The following ACOT7 variants were observed in gnomAD, a reference collection of about 807,000 sequenced individuals.
ACOT7 encodes the protein acyl-CoA thioesterase 7.
In ACOT7, 12 loss-of-function variants were observed where a neutral mutation model predicts 40.2. The ratio of observed to expected loss-of-function variants is 0.30; its 90% CI spans 0.19 to 0.48. The LOEUF (loss-of-function observed/expected upper bound fraction) is 0.48. Among genes scored for constraint, ACOT7 ranks in the 20% least tolerant of loss-of-function variants. The probability of loss-of-function intolerance (pLI) is 0.99; values close to 1 mark genes in which losing one functional copy is unlikely to be tolerated. For missense variants in ACOT7, 395 were observed against 530.8 expected, an observed-to-expected ratio of 0.74 and a Z score of 2.51; for synonymous variants, 228 against 219.5, an observed-to-expected ratio of 1.04 and a Z score of -0.34.
At position 6,289,722 on chromosome 1, in the gene ACOT7, G is replaced by A. The variant is rs969658866; in HGVS notation, c.829+5142C>T. 3.3e-5 allele frequency among the ~76,000 whole-genome samples: 5 copies of A among 151,978 alleles called. No individual in the cohort carries two copies. Among genetic ancestry groups the A allele is most frequent in the African/African-American group, 1.2e-4 (5 of 41,340 alleles). ...TTTGTTTTGTTTTTAAAGAAACAGG[G>A]GTCTCACTGTGTTGCCCAGGCTGGT... is the stretch of plus-strand genomic sequence containing the variant. On this transcript the variant is annotated intron_variant, in intron 7 of 8. Coordinates refer to ENST00000361521, the MANE Select transcript of ACOT7 (RefSeq NM_007274.4). The surrounding 1 kb of genome is among the most constrained non-coding windows in gnomAD (Gnocchi z 4.6).
intron 5 of ACOT7, among the ~76,000 whole-genome samples, chr1:6,325,199 C>T (rs1360893539): frequency 6.6e-6 from 1 of 152,176 alleles, no homozygotes; most frequent in African/African-American, 2.4e-5. Context: ...GAGATCGAGA[C>T]CATCCTGGCT....
At chr1:6,332,809 A>C (rs1207240962) in intron 4 of ACOT7, among the ~76,000 whole-genome samples, 1 of 151,122 alleles carries the variant, frequency 6.6e-6, no homozygotes, top group Non-Finnish European at 1.5e-5. Context: ...CAACAGAGCA[A>C]GATTCCGTCT....
chr1:6,363,278 T>C (rs1365517529), intron 1 of ACOT7, among the ~76,000 whole-genome samples: 1 of 152,186 alleles, frequency 6.6e-6, no homozygotes, highest in Non-Finnish European at 1.5e-5. Context: ...AAGACGCCCG[T>C]TGCCAGGCAG....
rs937117409 is a variant in ACOT7, at chr1:6,301,790, G to A, written c.713-6810C>T. ...CCGGTCCCAGAAACCCCAAAGCCAGGTGAGCTTGATGACCGGCCAAAAAAC... is the reference window on the plus strand; with the variant it reads ...CCGGTCCCAGAAACCCCAAAGCCAGATGAGCTTGATGACCGGCCAAAAAAC... On this transcript the variant is annotated intron_variant, in intron 6 of 8. Transcript: ENST00000361521. The surrounding 1 kb of genome is among the most constrained non-coding windows in gnomAD (Gnocchi z 4.1). Among the ~76,000 whole-genome samples the A allele has an allele frequency of 2.6e-5, 4 of 152,140 alleles. No individual in the cohort carries two copies. The highest frequency in any genetic ancestry group is 6.5e-5 in the Admixed American group (1 of 15,274).
chr1:6,327,263 G>A (rs1248209510), intron 5 of ACOT7, 36 bp downstream of exon 5: 1 of 1,604,462 alleles, frequency 6.2e-7, no homozygotes, highest in East Asian at 2.2e-5. Flanking sequence ...TCCCCGGTGA[G>A]GAGTGGCACC....
intron 3 of ACOT7, among the ~76,000 whole-genome samples, chr1:6,336,358 A>G (rs962891586): frequency 5.3e-5 from 8 of 150,310 alleles, no homozygotes; most frequent in African/African-American, 7.3e-5. Context: ...AAAAAAAAAA[A>G]TCTCTTAAAA....
intron 1 of ACOT7, among the ~76,000 whole-genome samples, chr1:6,379,395 G>A (rs998998532): frequency 2.6e-5 from 4 of 151,758 alleles, no homozygotes; most frequent in South Asian, 2.1e-4. Context: ...GACCCCTACC[G>A]CACATCACAC....
In ACOT7 at chr1:6,294,993, G is replaced by A. The variant is rs1639772012; in HGVS notation, c.713-13C>T. 3 of 1,597,244 alleles carry A rather than the reference G, an allele frequency of 1.9e-6. No individual in the cohort carries two copies. Among genetic ancestry groups the A allele is most frequent in the South Asian group, 1.1e-5 (1 of 90,714 alleles). On this transcript the variant is annotated splice_polypyrimidine_tract_variant and intron_variant, in intron 6 of 8. Transcript: ENST00000361521. The surrounding 1 kb of genome is among the most constrained non-coding windows in gnomAD (Gnocchi z 4.6). ...TTCATGGTCACACCTGCGGAGAAAG[G>A]GACATGCGGCAGATGAGACACGGAG...
At chr1:6,357,625 G>A (rs542116692) in intron 1 of ACOT7, among the ~76,000 whole-genome samples, 17 of 152,360 alleles carry the variant, frequency 1.1e-4, no homozygotes, top group African/African-American at 4.1e-4. Flanking sequence ...TCCTTCAGGA[G>A]CTCAGCAGAG....
At chr1:6,345,600 G>A (rs1641398313) in intron 2 of ACOT7, among the ~76,000 whole-genome samples, 2 of 152,242 alleles carry the variant, frequency 1.3e-5, no homozygotes, top group Non-Finnish European at 2.9e-5. Flanking sequence ...CGGGGATAAG[G>A]CAATTGACAA....
At chr1:6,386,909 A>G (rs1162693898) in intron 1 of ACOT7, among the ~76,000 whole-genome samples, 1 of 152,146 alleles carries the variant, frequency 6.6e-6, no homozygotes, top group African/African-American at 2.4e-5. Context: ...CTAAAATATC[A>G]TCCAAATTCC....
In ACOT7 at chr1:6,306,939, G is replaced by C. The variant is rs1640173241; in HGVS notation, c.712+11553C>G. 2.3e-6 allele frequency: 3 copies of C among 1,288,158 alleles called. No individual in the cohort carries two copies. The Admixed American group carries it at 6.9e-5, about 30-fold the overall frequency. 79.8% of individuals were successfully genotyped at this position (1,288,158 alleles called of 1,614,324 possible). A position where few individuals can be genotyped will look rare whatever the true frequency, so the allele number is the denominator to read the frequency against. The stretch of plus-strand genomic sequence containing the variant: ...TGCCCCAAGAAGACCAAGTGAACAA[G>C]AGCGTCTTGGTGGAGGCCTCACTTG... On this transcript the variant is annotated intron_variant, in intron 6 of 8. Coordinates refer to ENST00000361521, the MANE Select transcript of ACOT7 (RefSeq NM_007274.4). The surrounding 1 kb of genome is among the most constrained non-coding windows in gnomAD (Gnocchi z 4.3).
At chr1:6,286,274 G>A (rs1335084954) in intron 7 of ACOT7, among the ~76,000 whole-genome samples, 4 of 152,164 alleles carry the variant, frequency 2.6e-5, no homozygotes, top group Non-Finnish European at 4.4e-5. Context: ...CTGAGCGGGC[G>A]GATCAGTGCC....
rs182264409 is a variant in ACOT7 at position 6,330,636 on chromosome 1, A to G, written c.510+2841T>C. 1.8e-4 allele frequency among the ~76,000 whole-genome samples: 27 copies of G among 152,270 alleles called. 1 individual carries two copies. Among genetic ancestry groups the G allele is most frequent in the Admixed American group, 1.7e-3 (26 of 15,292 alleles). ...CCAGGATGTGGGAGGGAGGGAGCTA[A>G]TTACTGGGCAAGGAGAGGCGAGGCT... is the stretch of plus-strand genomic sequence containing the variant. On this transcript the variant is annotated intron_variant, in intron 4 of 8. Coordinates refer to ENST00000361521, the MANE Select transcript of ACOT7 (RefSeq NM_007274.4). The surrounding 1 kb of genome is among the most constrained non-coding windows in gnomAD (Gnocchi z 4.6).
At chr1:6,310,642 G>A (rs1640305794) in intron 6 of ACOT7, among the ~76,000 whole-genome samples, 1 of 152,226 alleles carries the variant, frequency 6.6e-6, no homozygotes, top group South Asian at 2.1e-4. Flanking sequence ...GGCACTTGTT[G>A]CTAAAAATAC....
chr1:6,381,252 G>A (rs916237331), intron 1 of ACOT7, among the ~76,000 whole-genome samples: 3 of 151,530 alleles, frequency 2.0e-5, no homozygotes, highest in Non-Finnish European at 2.9e-5. Context: ...TATATAACAT[G>A]CACATAATAT....
chr1:6,324,850 A>G (rs1395919453), intron 5 of ACOT7, among the ~76,000 whole-genome samples: 1 of 152,240 alleles, frequency 6.6e-6, no homozygotes, highest in African/African-American at 2.4e-5. Context: ...CCCATTTTCC[A>G]TATAAGGTCC....
chr1:6,387,791 G>A (rs970544478), intron 1 of ACOT7, among the ~76,000 whole-genome samples: 3 of 152,188 alleles, frequency 2.0e-5, no homozygotes, highest in African/African-American at 4.8e-5. Context: ...GCCTCCCCAC[G>A]CACAGGCTCT....
At chr1:6,387,458 G>GTAC (rs1642458660) in intron 1 of ACOT7, among the ~76,000 whole-genome samples, 1 of 152,136 alleles carries the variant, frequency 6.6e-6, no homozygotes, top group Non-Finnish European at 1.5e-5. Flanking sequence ...CTCTGCTGAA[G>GTAC]TACTGTTCAC....
Sources: allele counts gnomAD v4.1 joint callset (sites outside exome capture counted in the v4.1 genomes callset), GRCh38; gene constraint gnomAD v4.1.1; non-coding constraint Gnocchi (gnomAD v3.1); transcripts MANE v1.5; gene names NCBI Gene and HGNC (gene_info 2026-07-23, HGNC 2026-07-21).